The following LRRC53 variants were observed in gnomAD, a reference collection of about 807,000 sequenced individuals.
LRRC53 encodes the protein leucine rich repeat containing 53.
Under a neutral mutation model 13.6 loss-of-function variants are expected in LRRC53, and 25 were observed. That is an observed-to-expected ratio of 1.83 (90% CI 1.34 to 2.56). The LOEUF (loss-of-function observed/expected upper bound fraction) is 2.56, where lower values mean the gene tolerates loss of function less well. Ranked by LOEUF, LRRC53 falls within the 30% of genes most tolerant of loss-of-function variation. The pLI is 0.00. For synonymous variants in LRRC53, 204 were observed against 109.8 expected, an observed-to-expected ratio of 1.86 and a Z score of -5.37; for missense variants, 527 against 275.8, an observed-to-expected ratio of 1.91 and a Z score of -6.45.
intron 2 of LRRC53, 115 bp from the exon 3 acceptor site, chr1:74,481,083 CAAT>C: frequency 1.7e-6 from 1 of 585,328 alleles, no homozygotes; most frequent in South Asian, 2.2e-5. Flanking sequence ...TGGGTAAAAA[CAAT>C]AAACAATACA....
chr1:74,526,033 T>C, the LRRC53 span, among the ~76,000 whole-genome samples: 1 of 152,214 alleles, frequency 6.6e-6, no homozygotes, highest in Non-Finnish European at 1.5e-5. Flanking sequence ...AGAGGTTTGG[T>C]ATACATTCGC....
chr1:74,528,776 G>A, the LRRC53 span, among the ~76,000 whole-genome samples: 1 of 152,174 alleles, frequency 6.6e-6, no homozygotes, highest in Non-Finnish European at 1.5e-5. Flanking sequence ...GCACCTGGGA[G>A]GAGCGGCACT....
At chr1:74,499,684 C>T (rs906417037) in intron 1 of LRRC53, among the ~76,000 whole-genome samples, 2 of 151,770 alleles carry the variant, frequency 1.3e-5, no homozygotes, top group African/African-American at 2.4e-5. Flanking sequence ...GTATTTCCCA[C>T]CAAAAAAATG....
the LRRC53 span, among the ~76,000 whole-genome samples, chr1:74,527,931 C>G: frequency 6.6e-6 from 1 of 151,990 alleles, no homozygotes; most frequent in Admixed American, 6.6e-5. Flanking sequence ...GGTGTCAGAA[C>G]AAAAGTGGGA....
intron 1 of LRRC53, among the ~76,000 whole-genome samples, chr1:74,501,933 A>G (rs1290676822): frequency 1.3e-5 from 2 of 152,078 alleles, no homozygotes; most frequent in Non-Finnish European, 2.9e-5. Flanking sequence ...GAATAATGTA[A>G]GATATTTATC....
At chr1:74,515,412 A>G (rs1025294623), upstream of LRRC53, among the ~76,000 whole-genome samples, 5 of 152,202 alleles carry the variant, frequency 3.3e-5, no homozygotes, top group Admixed American at 2.6e-4. Context: ...CAGAAAATAA[A>G]TATATGGTTA....
Position 74,512,052 on chromosome 1 carries a change from C to T in LRRC53, c.-27+474G>A, listed in dbSNP as rs185996908. Among the ~76,000 whole-genome samples, 5 of 152,302 alleles carry T rather than the reference C, an allele frequency of 3.3e-5. No homozygotes were observed. In the East Asian group the frequency reaches 9.7e-4, roughly 29 times the overall value. On this transcript the variant is annotated intron_variant, in intron 1 of 4. Transcript: ENST00000294635. ...CTTCATGCAGCTTCCCTTCCAGTCA[C>T]TGAGACCTCAGACTCTTCTCTTCAT...
At chr1:74,509,589 T>C (rs140528499) in intron 1 of LRRC53, among the ~76,000 whole-genome samples, 1 of 152,206 alleles carries the variant, frequency 6.6e-6, no homozygotes, top group African/African-American at 2.4e-5. Context: ...GGACAATGAA[T>C]TATGAAATTA....
At chr1:74,499,469 T>G (rs1209978045) in intron 1 of LRRC53, among the ~76,000 whole-genome samples, 1 of 152,190 alleles carries the variant, frequency 6.6e-6, no homozygotes, top group Admixed American at 6.5e-5. Context: ...TTGTAATTGT[T>G]CTATTTTATT....
At chr1:74,523,207 A>G in the LRRC53 span, among the ~76,000 whole-genome samples, 1 of 152,224 alleles carries the variant, frequency 6.6e-6, no homozygotes, top group South Asian at 2.1e-4. Context: ...TGCTGGGAAG[A>G]TTAAATAAGG....
intron 1 of LRRC53, among the ~76,000 whole-genome samples, chr1:74,504,566 A>T (rs886894741): frequency 2.6e-5 from 4 of 152,182 alleles, no homozygotes; most frequent in African/African-American, 4.8e-5. Context: ...TCAAAAGAGG[A>T]GGTGATGAAA....
intron 1 of LRRC53, among the ~76,000 whole-genome samples, chr1:74,497,601 C>A (rs1372276585): frequency 6.7e-6 from 1 of 149,024 alleles, no homozygotes; most frequent in African/African-American, 2.5e-5. Flanking sequence ...CACACACACA[C>A]ATCTACACAC....
intron 1 of LRRC53, chr1:74,492,118 A>G (rs765401592): frequency 3.1e-6 from 5 of 1,609,258 alleles, no homozygotes; most frequent in Non-Finnish European, 4.2e-6. Context: ...TGCATCAAGT[A>G]ACAGCAGTGG....
chr1:74,480,048 C>T, intron 3 of LRRC53, 105 bp downstream of exon 3: 1 of 618,150 alleles, frequency 1.6e-6, no homozygotes, highest in South Asian at 2.0e-5. Context: ...CCTCTCCTTT[C>T]CATAGCCCTG....
chr1:74,516,036 G>T (rs1274917358), upstream of LRRC53, among the ~76,000 whole-genome samples: 3 of 152,174 alleles, frequency 2.0e-5, no homozygotes, highest in Admixed American at 2.0e-4. Flanking sequence ...AGAGGGGAAG[G>T]AAAGGACAAT....
intron 1 of LRRC53, among the ~76,000 whole-genome samples, chr1:74,488,323 T>A (rs1668872669): frequency 6.6e-6 from 1 of 152,060 alleles, no homozygotes. Context: ...GGAAACAGCT[T>A]ATAAGGGAAG....
rs575081911 is a variant in LRRC53, at chr1:74,490,762, G to C, written c.-26-7387C>G. Among the ~76,000 whole-genome samples the C allele has an allele frequency of 2.6e-5, 4 of 152,312 alleles. No homozygotes were observed. In the East Asian group the frequency reaches 7.7e-4, roughly 29 times the overall value. On this transcript the variant is annotated intron_variant, in intron 1 of 4. Transcript: ENST00000294635. Reference sequence around the variant, plus strand: ...TCATCCCATGTGCAGATATAATCAAGTTAAGAGGGACAGAAAGTATTTGAA... The same window carrying C: ...TCATCCCATGTGCAGATATAATCAACTTAAGAGGGACAGAAAGTATTTGAA...
chr1:74,533,019 T>A, the LRRC53 span, among the ~76,000 whole-genome samples: 1 of 152,014 alleles, frequency 6.6e-6, no homozygotes, highest in African/African-American at 2.4e-5. Context: ...GGACTTCATG[T>A]CCAAAACACC....
chr1:74,480,653 C>G lies in LRRC53; in HGVS notation c.404G>C (p.Arg135Pro). 1.4e-6 allele frequency: 1 copy of G among 717,256 alleles called. No individual in the cohort carries two copies. The allele number at this position is 717,256 out of a possible 1,614,324, so 44.4% of individuals were successfully genotyped here. Reference sequence around the variant, plus strand: ...AATCTGATTCCCATCCAGCTGGAGCCGGGTCAGGCCGCTTGTGTTTCGGAA... The same window carrying G: ...AATCTGATTCCCATCCAGCTGGAGCGGGGTCAGGCCGCTTGTGTTTCGGAA... ...SWFRNTSGLT[R>P]LQLDGNQITN... Residue 135 changes from arginine (R) to proline (P), a missense_variant, in exon 3 of 5, where the codon CGG (arginine) becomes CCG (proline). Coordinates refer to ENST00000294635, the MANE Select transcript of LRRC53 (RefSeq NM_001382280.1).
Sources: allele counts gnomAD v4.1 joint callset (sites outside exome capture counted in the v4.1 genomes callset), GRCh38; gene constraint gnomAD v4.1.1; transcripts MANE v1.5; gene names NCBI Gene and HGNC (gene_info 2026-07-23, HGNC 2026-07-21).